The following TNIK variants were observed in gnomAD, a reference collection of about 807,000 sequenced individuals.
The protein encoded by TNIK is TRAF2 and NCK-interacting protein kinase.
TNIK carries 49 observed loss-of-function variants against 191.3 expected under a neutral mutation model. The ratio of observed to expected loss-of-function variants is 0.26; its 90% CI spans 0.20 to 0.32. The LOEUF is 0.32. Among genes scored for constraint, TNIK ranks in the 10% least tolerant of loss-of-function variants. The probability of loss-of-function intolerance (pLI) is 1.00; values close to 1 mark genes in which losing one functional copy is unlikely to be tolerated. For synonymous variants in TNIK, 594 were observed against 600.9 expected, an observed-to-expected ratio of 0.99 and a Z score of 0.17; for missense variants, 1,155 against 1,702.3, an observed-to-expected ratio of 0.68 and a Z score of 5.66.
At chr3:171,140,678 C>T (rs67124134) in intron 12 of TNIK, among the ~76,000 whole-genome samples, 169 bp from the exon 13 acceptor site, 1 of 151,986 alleles carries the variant, frequency 6.6e-6, no homozygotes, top group African/African-American at 2.4e-5. Context: ...TGGCAGGGAG[C>T]GGGTGAGAGA....
At chr3:171,218,469 A>G (rs532442072) in intron 3 of TNIK, among the ~76,000 whole-genome samples, 63 of 152,010 alleles carry the variant, frequency 4.1e-4, no homozygotes, top group African/African-American at 1.3e-3. Flanking sequence ...GGCGTGGCTT[A>G]TATCTTCAAG....
At chr3:171,254,456 G>A (rs972861873) in intron 2 of TNIK, among the ~76,000 whole-genome samples, 2 of 152,188 alleles carry the variant, frequency 1.3e-5, no homozygotes, top group Non-Finnish European at 2.9e-5. Flanking sequence ...ATAAAGCAGA[G>A]TCTCAAATAT....
chr3:171,362,198 T>C lies in TNIK; in HGVS notation c.123+7422A>G, dbSNP rs149155305. 5.3e-5 allele frequency among the ~76,000 whole-genome samples: 8 copies of C among 152,306 alleles called. No individual in the cohort carries two copies. In the East Asian group the frequency reaches 1.5e-3, roughly 29 times the overall value. On this transcript the variant is annotated intron_variant, in intron 2 of 32. Transcript: ENST00000436636. ...CTGTTTCCTCTATTAACCTATCTTC[T>C]CTTTACACATTATTGAGACATTGGC...
chr3:171,385,867 C>A (rs959531406), intron 1 of TNIK, among the ~76,000 whole-genome samples: 2 of 152,154 alleles, frequency 1.3e-5, no homozygotes, highest in African/African-American at 2.4e-5. Context: ...AAGTATTGAA[C>A]ACACATGGCT....
At chr3:171,226,704 T>A (rs1327904025) in intron 3 of TNIK, among the ~76,000 whole-genome samples, 1 of 128,830 alleles carries the variant, frequency 7.8e-6, no homozygotes, top group Admixed American at 7.9e-5. Flanking sequence ...TAGTACTTTA[T>A]CTAAATGGTA....
At chr3:171,432,728 G>A (rs961962425) in intron 1 of TNIK, among the ~76,000 whole-genome samples, 1 of 152,116 alleles carries the variant, frequency 6.6e-6, no homozygotes, top group African/African-American at 2.4e-5. Flanking sequence ...GCAATGTGAA[G>A]CCTCATAAAA....
intron 2 of TNIK, among the ~76,000 whole-genome samples, chr3:171,333,926 C>T (rs1756686377): frequency 6.6e-6 from 1 of 152,180 alleles, no homozygotes; most frequent in South Asian, 2.1e-4. Flanking sequence ...CTTCCCTGGC[C>T]AACCACACTG....
chr3:171,085,913 T>A (rs1484956595), intron 24 of TNIK, among the ~76,000 whole-genome samples: 1 of 152,154 alleles, frequency 6.6e-6, no homozygotes, highest in Non-Finnish European at 1.5e-5. Context: ...AAAAAATGAA[T>A]CTTGGGCTTG....
chr3:171,460,102 C>T lies in TNIK; in HGVS notation c.-39G>A, dbSNP rs754337169. 1 of 1,581,038 alleles carries T rather than the reference C, an allele frequency of 6.3e-7. No homozygotes were observed. The highest frequency in any genetic ancestry group is 1.2e-5 in the South Asian group (1 of 86,314). ...CTGGAGAAATGGACCAAAACCACCC[C>T]GAAGCTTTTCCCTTGGAAATTCCAC... On this transcript the variant is annotated 5_prime_UTR_variant, in exon 1 of 33. Coordinates refer to ENST00000436636, the MANE Select transcript of TNIK (RefSeq NM_015028.4). The surrounding 1 kb of genome is among the most constrained non-coding windows in gnomAD (Gnocchi z 6.8).
chr3:171,362,804 AG>A (rs1375637829), intron 2 of TNIK, among the ~76,000 whole-genome samples: 15 of 152,216 alleles, frequency 9.9e-5, no homozygotes, highest in Non-Finnish European at 1.9e-4. Context: ...AATCCAGCTC[AG>A]GCAGTCCTGC....
intron 1 of TNIK, among the ~76,000 whole-genome samples, chr3:171,437,417 C>T (rs1448960102): frequency 1.3e-5 from 2 of 152,212 alleles, no homozygotes; most frequent in African/African-American, 4.8e-5. Flanking sequence ...CTCACTAAAG[C>T]TAATCAATAT....
At chr3:171,303,030 A>G (rs1483990878) in intron 2 of TNIK, among the ~76,000 whole-genome samples, 1 of 152,224 alleles carries the variant, frequency 6.6e-6, no homozygotes, top group African/African-American at 2.4e-5. Context: ...TACTTTATAT[A>G]ATAACAAAAT....
At chr3:171,133,742 A>G (rs138156394) in intron 15 of TNIK, among the ~76,000 whole-genome samples, 2 of 152,384 alleles carry the variant, frequency 1.3e-5, no homozygotes, top group East Asian at 3.9e-4. Context: ...AACTTTATAT[A>G]TAAACTAACT....
Position 171,063,620 on chromosome 3 carries a change from A to G in TNIK, c.*261T>C, listed in dbSNP as rs1040933770. 1.8e-5 allele frequency: 7 copies of G among 385,424 alleles called. No individual in the cohort carries two copies. The highest frequency in any genetic ancestry group is 4.2e-5 in the African/African-American group (2 of 48,008). The allele number at this position is 385,424 out of a possible 1,614,324, so 23.9% of individuals were successfully genotyped here. ...TTCTATCCCTAATTCCGAAGGGCAC[A>G]TGGTCCATCTTTGTCCACAGACAAG... On this transcript the variant is annotated 3_prime_UTR_variant, in exon 33 of 33. Coordinates refer to ENST00000436636, the MANE Select transcript of TNIK (RefSeq NM_015028.4).
chr3:171,231,309 GTTGTT>G (rs143248433), intron 2 of TNIK, among the ~76,000 whole-genome samples: 3,064 of 148,978 alleles, frequency 0.021, 107 homozygotes, highest in African/African-American at 0.073. Context: ...TGTTGTTGTT[GTTGTT>G]TTGTTTTTTT....
chr3:171,292,793 A>G (rs1244555766), intron 2 of TNIK, among the ~76,000 whole-genome samples: 2 of 151,354 alleles, frequency 1.3e-5, no homozygotes, highest in Non-Finnish European at 2.9e-5. Context: ...AAAAAAAAAA[A>G]AAGAATCAGC....
chr3:171,329,794 C>T (rs1239839168), intron 2 of TNIK, among the ~76,000 whole-genome samples: 3 of 152,310 alleles, frequency 2.0e-5, no homozygotes, highest in Admixed American at 2.0e-4. Context: ...ACATGAACAA[C>T]TGAAGTTGCA....
intron 10 of TNIK, 150 bp from the exon 11 acceptor site, chr3:171,161,486 T>G: frequency 1.7e-6 from 1 of 571,934 alleles, no homozygotes; most frequent in South Asian, 4.5e-5. Context: ...ATTTAATGGT[T>G]CCCATAAGTA....
intron 2 of TNIK, among the ~76,000 whole-genome samples, chr3:171,280,616 A>G (rs946979892): frequency 6.6e-6 from 1 of 151,964 alleles, no homozygotes; most frequent in African/African-American, 2.4e-5. Flanking sequence ...CTTGAAAATT[A>G]TCATGACACT....
Sources: gnomAD v4.1 joint callset for allele counts (sites outside exome capture counted in the v4.1 genomes callset) on GRCh38, gnomAD v4.1.1 for gene constraint, Gnocchi (gnomAD v3.1) non-coding constraint, MANE v1.5 for transcripts, NCBI Gene and HGNC (gene_info 2026-07-23, HGNC 2026-07-21) for gene names.